The following FBXO17 variants were observed in gnomAD, a reference collection of about 807,000 sequenced individuals.
FBXO17 encodes F-box only protein 17.
Under a neutral mutation model 34.1 loss-of-function variants are expected in FBXO17, and 43 were observed. That is an observed-to-expected ratio of 1.26 (90% CI 0.99 to 1.62). FBXO17 has a LOEUF of 1.62. Among genes scored for constraint, FBXO17 ranks in the 40% most tolerant of loss-of-function variants. The pLI, the probability that FBXO17 is intolerant of heterozygous loss-of-function variation, is 0.00. For synonymous variants in FBXO17, 169 were observed against 166.0 expected (o/e 1.02, Z -0.14); for missense variants, 424 against 386.7 (o/e 1.10, Z -0.81).
intron 2 of FBXO17, chr19:38,949,702 C>G: frequency 1.8e-6 from 1 of 564,366 alleles, no homozygotes; most frequent in Non-Finnish European, 3.1e-6. Flanking sequence ...GTTCTGCATC[C>G]CCTCTGCATA....
intron 5 of FBXO17, 71 bp downstream of exon 5, chr19:38,944,898 C>G: frequency 6.3e-7 from 1 of 1,580,320 alleles, no homozygotes; most frequent in Non-Finnish European, 8.6e-7. Flanking sequence ...GAAGGGAAAC[C>G]GAGCAGACGA....
At chr19:38,946,622 A>G (rs1974988224) in intron 3 of FBXO17, 55 bp from the exon 4 acceptor site, 1 of 1,594,930 alleles carries the variant, frequency 6.3e-7, no homozygotes, top group African/African-American at 1.4e-5. Context: ...TTCAAGTCAC[A>G]GTCAGAAGCC....
intron 1 of FBXO17, among the ~76,000 whole-genome samples, chr19:38,954,643 G>A (rs1357306199): frequency 2.1e-5 from 3 of 143,674 alleles, no homozygotes; most frequent in Non-Finnish European, 3.0e-5. Flanking sequence ...GCAGTGGCGC[G>A]ATCTCAGCTC....
At chr19:38,944,883 T>C in intron 5 of FBXO17, 86 bp downstream of exon 5, 1 of 1,552,570 alleles carries the variant, frequency 6.4e-7, no homozygotes, top group Non-Finnish European at 8.8e-7. Flanking sequence ...TATCCAGGAG[T>C]GACAGAAGGG....
chr19:38,946,408 C>T, intron 4 of FBXO17, 64 bp downstream of exon 4: 46 of 1,606,436 alleles, frequency 2.9e-5, no homozygotes, highest in Non-Finnish European at 3.8e-5. Context: ...GGAAATGAGC[C>T]CCTGTTGCAG....
chr19:38,961,271 T>G (rs1408633491), intron 1 of FBXO17, among the ~76,000 whole-genome samples: 1 of 136,986 alleles, frequency 7.3e-6, no homozygotes, highest in Non-Finnish European at 1.5e-5. Flanking sequence ...TTATTTCAAT[T>G]GATTTTAAAT....
At chr19:38,952,273 G>C (rs1195480185) in intron 1 of FBXO17, among the ~76,000 whole-genome samples, 1 of 152,194 alleles carries the variant, frequency 6.6e-6, no homozygotes, top group Non-Finnish European at 1.5e-5. Context: ...GTGTTGAGCG[G>C]CCAAACCTCA....
chr19:38,942,540 A>G lies in FBXO17; in HGVS notation c.*68T>C. ...GCCTCCTGAAGTGCTGGGATTCCAC[A>G]GGTGTGAGCCACTGCACCTGGCTGC... is the stretch of plus-strand genomic sequence containing the variant. On this transcript the variant is annotated 3_prime_UTR_variant, in exon 6 of 6. Coordinates refer to ENST00000292852, the MANE Select transcript of FBXO17 (RefSeq NM_024907.7). The G allele has an allele frequency of 7.0e-7, 1 of 1,435,220 alleles. No individual in the cohort carries two copies. Among genetic ancestry groups the G allele is most frequent in the Non-Finnish European group, 9.1e-7 (1 of 1,093,416 alleles). The allele number at this position is 1,435,220 out of a possible 1,614,324, so 88.9% of individuals were successfully genotyped here. A position where few individuals can be genotyped will look rare whatever the true frequency, so the allele number is the denominator to read the frequency against.
intron 1 of FBXO17, among the ~76,000 whole-genome samples, chr19:38,973,775 C>T (rs1253731878): frequency 2.0e-5 from 3 of 151,548 alleles, no homozygotes; most frequent in Non-Finnish European, 4.4e-5. Flanking sequence ...CCCAGGAGTT[C>T]GAGACCAGCC....
chr19:38,946,660 AC>A, intron 3 of FBXO17, 93 bp from the exon 4 acceptor site: 1 of 1,537,964 alleles, frequency 6.5e-7, no homozygotes, highest in East Asian at 2.3e-5. Flanking sequence ...TCCCTTGATA[AC>A]CCTCTCTAAA....
At chr19:38,970,018 TCA>T (rs1396076982) in intron 1 of FBXO17, among the ~76,000 whole-genome samples, 1 of 152,050 alleles carries the variant, frequency 6.6e-6, no homozygotes, top group East Asian at 1.9e-4. Context: ...CCTAACAGCT[TCA>T]GATTGGAAAA....
rs1975064670 is a variant in FBXO17 at position 38,950,346 on chromosome 19, G to A, written c.-17-10C>T. On this transcript the variant is annotated splice_polypyrimidine_tract_variant and intron_variant, in intron 1 of 5. Transcript: ENST00000292852. ...TCCAGTAGCCAGAGTCCTGCAGGTC[G>A]AGAGGGGTCGGTAGGCGGGTCAGCG... 2 of 1,403,494 alleles carry A rather than the reference G, an allele frequency of 1.4e-6. No individual in the cohort carries two copies. Among genetic ancestry groups the A allele is most frequent in the African/African-American group, 1.5e-5 (1 of 65,886 alleles). The allele number at this position is 1,403,494 out of a possible 1,614,324, so 86.9% of individuals were successfully genotyped here. A position where few individuals can be genotyped will look rare whatever the true frequency, so the allele number is the denominator to read the frequency against.
chr19:38,952,745 CT>C, intron 1 of FBXO17: 1 of 469,764 alleles, frequency 2.1e-6, no homozygotes, highest in East Asian at 6.6e-5. Context: ...TCTCTAGTGA[CT>C]TTTTCCTTCC....
rs374607759 is a variant in FBXO17, at chr19:38,942,752, C to T, written c.694-1G>A. 6.2e-7 allele frequency: 1 copy of T among 1,602,722 alleles called. No individual in the cohort carries two copies. The highest frequency in any genetic ancestry group is 1.4e-5 in the African/African-American group (1 of 73,940). ...CAAAGTTGGTGAAGACGTGGGAGAC[C>T]TGCAGGGGGAAGGGGAGTGAGAGGG... On this transcript the variant is annotated splice_acceptor_variant, in intron 5 of 5. Transcript: ENST00000292852. LOFTEE classifies it high-confidence loss of function.
chr19:38,972,807 TG>T (rs1321113613), intron 1 of FBXO17, among the ~76,000 whole-genome samples: 2 of 152,064 alleles, frequency 1.3e-5, no homozygotes, highest in Admixed American at 6.6e-5. Flanking sequence ...TCGCCCAGGC[TG>T]GGGTGCAATG....
At position 38,950,338 on chromosome 19, in the gene FBXO17, T is replaced by C. The variant is rs2144817582; in HGVS notation, c.-17-2A>G. 2 of 1,412,684 alleles carry C rather than the reference T, an allele frequency of 1.4e-6. No individual in the cohort carries two copies. Among genetic ancestry groups the C allele is most frequent in the South Asian group, 3.1e-5 (2 of 64,732 alleles). 87.5% of individuals were successfully genotyped at this position (1,412,684 alleles called of 1,614,324 possible). ...CGCCCATCTCCAGTAGCCAGAGTCC[T>C]GCAGGTCGAGAGGGGTCGGTAGGCG... On this transcript the variant is annotated splice_acceptor_variant, in intron 1 of 5. Transcript: ENST00000292852. LOFTEE classifies it low-confidence loss of function (5UTR_SPLICE).
chr19:38,948,735 C>A (rs2144814233), intron 2 of FBXO17, 57 bp from the exon 3 acceptor site: 1 of 1,488,878 alleles, frequency 6.7e-7, no homozygotes, highest in East Asian at 2.3e-5. Context: ...CCAGAAGAGA[C>A]CCCGCAACCA....
At chr19:38,967,177 G>C (rs865853639) in intron 1 of FBXO17, among the ~76,000 whole-genome samples, 4 of 152,172 alleles carry the variant, frequency 2.6e-5, no homozygotes, top group African/African-American at 7.2e-5. Flanking sequence ...TGGACAAAAG[G>C]CCGGGCACAG....
chr19:38,968,472 T>C (rs1342599186), intron 1 of FBXO17, among the ~76,000 whole-genome samples: 1 of 143,004 alleles, frequency 7.0e-6, no homozygotes, highest in Non-Finnish European at 1.5e-5. Context: ...GGAGACAGAA[T>C]AAGAGCCTGT....
Sources: gnomAD v4.1 joint callset for allele counts (sites outside exome capture counted in the v4.1 genomes callset) on GRCh38, gnomAD v4.1.1 for gene constraint, MANE v1.5 for transcripts, NCBI Gene and HGNC (gene_info 2026-07-23, HGNC 2026-07-21) for gene names.